The following PPEF1 variants were observed in gnomAD, a reference collection of about 807,000 sequenced individuals.
PPEF1 encodes serine/threonine-protein phosphatase with EF-hands 1.
In PPEF1, 12 loss-of-function variants were observed where a neutral mutation model predicts 53.3. The observed-to-expected ratio is 0.23, with a 90% CI of 0.14 to 0.36. The LOEUF (loss-of-function observed/expected upper bound fraction) is 0.36. Ranked by LOEUF, PPEF1 falls within the 10% of genes least tolerant of loss-of-function variation. The probability of loss-of-function intolerance (pLI) is 1.00; values close to 1 mark genes in which losing one functional copy is unlikely to be tolerated. For synonymous variants in PPEF1, 165 were observed against 176.7 expected (o/e 0.93, Z 0.52); for missense variants, 334 against 490.4 (o/e 0.68, Z 3.01).
At chrX:18,747,819 C>T (rs1183988877) in intron 3 of PPEF1, among the ~76,000 whole-genome samples, 1 of 112,093 alleles carries the variant, frequency 8.9e-6, no homozygotes, top group Non-Finnish European at 1.9e-5. Context: ...CAGAAAATAA[C>T]CTTTATAATT....
chrX:18,816,345 A>G (rs2046914325), intron 12 of PPEF1, among the ~76,000 whole-genome samples: 1 of 110,992 alleles, frequency 9.0e-6, no homozygotes, highest in Non-Finnish European at 1.9e-5. Flanking sequence ...ATTTTCCCAA[A>G]TTACTTTATT....
chrX:18,766,085 GAAA>G (rs2045764112), intron 6 of PPEF1, among the ~76,000 whole-genome samples: 12 of 94,498 alleles, frequency 1.3e-4, no homozygotes, highest in Non-Finnish European at 2.0e-4. Context: ...AAAAAAAAAA[GAAA>G]AAAGAAAAAA....
Position 18,788,739 on chromosome X carries a change from T to A in PPEF1, c.913-382T>A, listed in dbSNP as rs954287284. 1.8e-4 allele frequency among the ~76,000 whole-genome samples: 20 copies of A among 111,856 alleles called. 1 individual carries two copies. The highest frequency in any genetic ancestry group is 6.2e-4 in the African/African-American group (19 of 30,808). ...GCACAGCAGCCACTCTATTAAGAGG[T>A]GTTTCTGAACTCCTGAAGATCCTAT... is the stretch of plus-strand genomic sequence containing the variant. On this transcript the variant is annotated intron_variant, in intron 9 of 15. Transcript: ENST00000470157.
chrX:18,791,024 C>A (rs2046315458), intron 10 of PPEF1, among the ~76,000 whole-genome samples: 1 of 111,402 alleles, frequency 9.0e-6, no homozygotes, highest in South Asian at 3.8e-4. Flanking sequence ...TTTCTTGACA[C>A]CCTTATCAAA....
chrX:18,810,952 C>G (rs781131482), intron 12 of PPEF1, among the ~76,000 whole-genome samples: 2 of 110,918 alleles, frequency 1.8e-5, no homozygotes, highest in Non-Finnish European at 3.7e-5. Flanking sequence ...AACTTGCAAA[C>G]TTTTTTCCCA....
intron 12 of PPEF1, among the ~76,000 whole-genome samples, chrX:18,813,467 G>A (rs370213369): frequency 3.0e-4 from 33 of 109,145 alleles, no homozygotes; most frequent in African/African-American, 1.1e-3. Context: ...TTTTCTAGTA[G>A]AGTCATTGAG....
intron 11 of PPEF1, 90 bp downstream of exon 11, chrX:18,804,167 A>G (rs750153804): frequency 4.7e-6 from 4 of 854,951 alleles, no homozygotes; most frequent in Non-Finnish European, 6.5e-6. Context: ...CTAGAAGCCC[A>G]TGAGAAGATG....
chrX:18,716,557 G>A (rs1345127952), intron 1 of PPEF1, among the ~76,000 whole-genome samples: 16 of 97,941 alleles, frequency 1.6e-4, no homozygotes, highest in Non-Finnish European at 4.0e-5. Context: ...AAAAAAAATC[G>A]AACAATCAAG....
chrX:18,810,595 T>C (rs987483800), intron 12 of PPEF1, among the ~76,000 whole-genome samples: 5 of 112,453 alleles, frequency 4.4e-5, no homozygotes, highest in African/African-American at 1.3e-4. Context: ...GATTTGCCTA[T>C]TCTCGGCATT....
At chrX:18,708,304 G>A (rs918490740) in intron 1 of PPEF1, among the ~76,000 whole-genome samples, 1 of 111,616 alleles carries the variant, frequency 9.0e-6, no homozygotes, top group Admixed American at 9.6e-5. Context: ...GGAGAATTGG[G>A]AGAATGCTAG....
upstream of PPEF1, among the ~76,000 whole-genome samples, chrX:18,678,006 G>T (rs773733392): frequency 9.1e-6 from 1 of 109,517 alleles, no homozygotes; most frequent in South Asian, 4.0e-4. Context: ...CAAACATCCT[G>T]TGGTGCCAGC....
At chrX:18,705,358 A>T (rs1189373349), upstream of PPEF1, among the ~76,000 whole-genome samples, 14 of 111,536 alleles carry the variant, frequency 1.3e-4, no homozygotes, top group Non-Finnish European at 5.6e-5. Context: ...CTTGGATCTG[A>T]TCTTGTTAAT....
chrX:18,691,499 T>C (rs747894086), intron 4 of PPEF1: 2 of 112,094 alleles, frequency 1.8e-5, no homozygotes, highest in East Asian at 5.6e-4. Flanking sequence ...CCATTCTCTG[T>C]CTAGATCAGT....
At chrX:18,741,533 A>G (rs1361232529) in intron 3 of PPEF1, among the ~76,000 whole-genome samples, 1 of 111,517 alleles carries the variant, frequency 9.0e-6, no homozygotes, top group Admixed American at 9.6e-5. Context: ...AGGTATACAA[A>G]TTATATGACT....
At chrX:18,709,547 G>A (rs1602365187) in intron 1 of PPEF1, among the ~76,000 whole-genome samples, 1 of 105,812 alleles carries the variant, frequency 9.5e-6, no homozygotes, top group East Asian at 3.0e-4. Context: ...ACCCAGGCTG[G>A]AGTGCAGTGG....
intron 6 of PPEF1, among the ~76,000 whole-genome samples, chrX:18,766,086 A>G (rs1459570834): frequency 4.7e-5 from 5 of 107,168 alleles, no homozygotes; most frequent in Non-Finnish European, 7.7e-5. Context: ...AAAAAAAAAG[A>G]AAAAAGAAAA....
chrX:18,760,682 A>G (rs1200352027), intron 5 of PPEF1, among the ~76,000 whole-genome samples: 7 of 109,510 alleles, frequency 6.4e-5, no homozygotes, highest in African/African-American at 2.3e-4. Flanking sequence ...ATCACAGCTC[A>G]CTGCAGCCTC....
chrX:18,722,580 A>G (rs756427871), intron 1 of PPEF1, among the ~76,000 whole-genome samples: 26 of 112,632 alleles, frequency 2.3e-4, no homozygotes, highest in Non-Finnish European at 4.7e-4. Context: ...ACAAAGAGAA[A>G]TGTAAGACAC....
chrX:18,821,567 C>G (rs1309124346), intron 13 of PPEF1, among the ~76,000 whole-genome samples: 1 of 109,868 alleles, frequency 9.1e-6, no homozygotes, highest in Non-Finnish European at 1.9e-5. Flanking sequence ...TGCCACCACG[C>G]CCAGCTAATT....
Sources: gnomAD v4.1 joint callset for allele counts (sites outside exome capture counted in the v4.1 genomes callset) on GRCh38, gnomAD v4.1.1 for gene constraint, MANE v1.5 for transcripts, NCBI Gene and HGNC (gene_info 2026-07-23, HGNC 2026-07-21) for gene names.